The following PDS5A variants were observed in gnomAD, a reference collection of about 807,000 sequenced individuals.
PDS5A encodes sister chromatid cohesion protein PDS5 homolog A.
A neutral mutation model predicts 167.1 loss-of-function variants in PDS5A; 42 were observed. That is an observed-to-expected ratio of 0.25 (90% CI 0.20 to 0.33). The LOEUF (loss-of-function observed/expected upper bound fraction) is 0.33. Ranked by LOEUF, PDS5A falls within the 10% of genes least tolerant of loss-of-function variation. The pLI is 1.00. For missense variants in PDS5A, 1,033 were observed against 1,605.9 expected, an observed-to-expected ratio of 0.64 and a Z score of 6.10; for synonymous variants, 553 against 554.6, an observed-to-expected ratio of 1.00 and a Z score of 0.04.
chr4:39,898,674 A>G, intron 15 of PDS5A, 103 bp downstream of exon 15: 1 of 946,688 alleles, frequency 1.1e-6, no homozygotes, highest in Non-Finnish European at 1.6e-6. Flanking sequence ...TAAGATAAAG[A>G]TTATTTTCTT....
In PDS5A at chr4:39,923,357, A is replaced by G. The variant is rs1464359730; in HGVS notation, c.528-609T>C. Among the ~76,000 whole-genome samples, 3 of 151,198 alleles carry G rather than the reference A, an allele frequency of 2.0e-5. No homozygotes were observed. In the East Asian group the frequency reaches 5.8e-4, roughly 29 times the overall value. On this transcript the variant is annotated intron_variant, in intron 5 of 32. Coordinates refer to ENST00000303538, the MANE Select transcript of PDS5A (RefSeq NM_001100399.2). ...AAAAAAAAAAAAAAAGAAAAAAAAA[A>G]GGAAAAGGAAAAAAAGACCTTTTAA...
intron 2 of PDS5A, 149 bp downstream of exon 2, chr4:39,976,291 A>G: frequency 1.8e-6 from 1 of 565,234 alleles, no homozygotes; most frequent in Non-Finnish European, 3.1e-6. Flanking sequence ...AACTCACTCA[A>G]AGATGTTATC....
At chr4:39,972,463 T>A (rs895302863) in intron 2 of PDS5A, among the ~76,000 whole-genome samples, 2 of 152,146 alleles carry the variant, frequency 1.3e-5, no homozygotes, top group Non-Finnish European at 2.9e-5. Flanking sequence ...GAGTTTGCAG[T>A]GAGCCAAGAT....
At chr4:39,834,346 GCTT>G (rs1716198094) in intron 32 of PDS5A, among the ~76,000 whole-genome samples, 1 of 152,148 alleles carries the variant, frequency 6.6e-6, no homozygotes, top group Non-Finnish European at 1.5e-5. Context: ...GATAATATCT[GCTT>G]ATTATGAGTG....
At chr4:39,894,114 A>G (rs1722198534) in intron 16 of PDS5A, among the ~76,000 whole-genome samples, 1 of 152,238 alleles carries the variant, frequency 6.6e-6, no homozygotes, top group Non-Finnish European at 1.5e-5. Flanking sequence ...TCAGCTCAGA[A>G]GTACAAAGCT....
chr4:39,886,044 C>A lies in PDS5A; in HGVS notation c.1886+4205G>T, dbSNP rs1721441569. 3.9e-5 allele frequency among the ~76,000 whole-genome samples: 6 copies of A among 152,220 alleles called. No individual in the cohort carries two copies. The South Asian group carries it at 1.2e-3, about 32-fold the overall frequency. On this transcript the variant is annotated intron_variant, in intron 17 of 32. Coordinates refer to ENST00000303538, the MANE Select transcript of PDS5A (RefSeq NM_001100399.2). Reference sequence around the variant, plus strand: ...GGTCTAGTTTCATTCTTCTGCTAATCAGTTTTCCTACCACAATTTATTGTA... The same window carrying A: ...GGTCTAGTTTCATTCTTCTGCTAATAAGTTTTCCTACCACAATTTATTGTA...
At chr4:39,860,320 C>T (rs1376340793) in intron 26 of PDS5A, among the ~76,000 whole-genome samples, 1 of 151,922 alleles carries the variant, frequency 6.6e-6, no homozygotes, top group African/African-American at 2.4e-5. Context: ...CAAAAATTAG[C>T]TGGTTGTGGT....
intron 13 of PDS5A, among the ~76,000 whole-genome samples, chr4:39,901,250 T>G (rs1300177696): frequency 6.7e-6 from 1 of 149,440 alleles, no homozygotes; most frequent in Non-Finnish European, 1.5e-5. Flanking sequence ...AATGACAGTC[T>G]TTTTTTCTTT....
chr4:39,909,352 T>C (rs543073412), intron 10 of PDS5A, among the ~76,000 whole-genome samples: 78 of 152,312 alleles, frequency 5.1e-4, no homozygotes, highest in African/African-American at 1.6e-3. Flanking sequence ...CTTGACCTCC[T>C]GGCCTCAAGT....
At chr4:39,968,000 C>T (rs1423044174) in intron 2 of PDS5A, among the ~76,000 whole-genome samples, 1 of 152,056 alleles carries the variant, frequency 6.6e-6, no homozygotes, top group Non-Finnish European at 1.5e-5. Flanking sequence ...AAGAAAGAAA[C>T]AAAGTATGTG....
intron 2 of PDS5A, among the ~76,000 whole-genome samples, chr4:39,948,293 G>A (rs1171951183): frequency 6.9e-6 from 1 of 144,730 alleles, no homozygotes; most frequent in African/African-American, 2.5e-5. Flanking sequence ...ATTCACAATA[G>A]CCAAAAGGTG....
intron 32 of PDS5A, among the ~76,000 whole-genome samples, chr4:39,826,473 T>TTTTTTTTATTTATTTA (rs112223808): frequency 1.5e-4 from 21 of 143,802 alleles, no homozygotes; most frequent in East Asian, 6.0e-4. Context: ...CATTCCACAT[T>TTTTTTTTATTTATTTA]TTTATTTATT....
intron 2 of PDS5A, among the ~76,000 whole-genome samples, chr4:39,936,442 A>T (rs1726611685): frequency 7.1e-6 from 1 of 141,002 alleles, no homozygotes; most frequent in Non-Finnish European, 1.6e-5. Context: ...TTTATTATTT[A>T]TTATTTATCT....
At chr4:39,883,748 A>G (rs960130551) in intron 17 of PDS5A, among the ~76,000 whole-genome samples, 2 of 151,868 alleles carry the variant, frequency 1.3e-5, no homozygotes, top group Non-Finnish European at 1.5e-5. Context: ...CTTCCACCTC[A>G]GCCTCCCACA....
In PDS5A at chr4:39,934,455, G is replaced by A. The variant is rs1027393403; in HGVS notation, c.139-6291C>T. Among the ~76,000 whole-genome samples the A allele has an allele frequency of 4.6e-5, 7 of 152,144 alleles. 1 individual carries two copies. Among genetic ancestry groups the A allele is most frequent in the Admixed American group, 1.3e-4 (2 of 15,276 alleles). On this transcript the variant is annotated intron_variant, in intron 2 of 32. Transcript: ENST00000303538. ...ATTCAGGCCTTTTTAAATGCTATTGGCTCTTTGTAGACTAATCTCTTCTTA... is the reference window on the plus strand; with the variant it reads ...ATTCAGGCCTTTTTAAATGCTATTGACTCTTTGTAGACTAATCTCTTCTTA...
At chr4:39,837,661 AT>A (rs1294175954) in intron 32 of PDS5A, 194 bp downstream of exon 32, 1 of 491,194 alleles carries the variant, frequency 2.0e-6, no homozygotes, top group African/African-American at 1.9e-5. Flanking sequence ...AAGAAAAAAG[AT>A]TTTTCTTCAA....
chr4:39,918,929 T>C (rs115272925), intron 7 of PDS5A, among the ~76,000 whole-genome samples: 1 of 152,204 alleles, frequency 6.6e-6, no homozygotes, highest in African/African-American at 2.4e-5. Context: ...ATGAAGAAGA[T>C]AGTTTTATCA....
chr4:39,850,100 G>A (rs1578602477), intron 26 of PDS5A, among the ~76,000 whole-genome samples: 1 of 151,668 alleles, frequency 6.6e-6, no homozygotes, highest in African/African-American at 2.4e-5. Flanking sequence ...GTGAAACCCC[G>A]TCTCTACTAA....
At chr4:39,898,594 A>T in intron 15 of PDS5A, 66 bp from the exon 16 acceptor site, 1 of 1,128,212 alleles carries the variant, frequency 8.9e-7, no homozygotes, top group South Asian at 1.7e-5. Flanking sequence ...CTAAGCTAAA[A>T]ACAGGTGCCA....
Sources: allele counts gnomAD v4.1 joint callset (sites outside exome capture counted in the v4.1 genomes callset), GRCh38; gene constraint gnomAD v4.1.1; transcripts MANE v1.5; gene names NCBI Gene and HGNC (gene_info 2026-07-23, HGNC 2026-07-21).